GRIK1: variants seen among roughly 807,000 people sequenced by gnomAD.
GRIK1 encodes the protein glutamate receptor ionotropic, kainate 1.
Under a neutral mutation model 105.7 loss-of-function variants are expected in GRIK1, and 69 were observed. That is an observed-to-expected ratio of 0.65 (90% confidence interval 0.54 to 0.80). The LOEUF (loss-of-function observed/expected upper bound fraction) is 0.80, where lower values mean the gene tolerates loss of function less well. Ranked by LOEUF, GRIK1 falls within the 30% of genes least tolerant of loss-of-function variation. GRIK1 has a pLI of 0.00. For missense variants in GRIK1, 1,109 were observed against 1,167.3 expected (o/e 0.95, Z 0.73); for synonymous variants, 438 against 431.3 (o/e 1.02, Z -0.19).
intron 1 of GRIK1, among the ~76,000 whole-genome samples, chr21:29,879,213 C>A (rs968212562): frequency 7.2e-5 from 11 of 151,954 alleles, no homozygotes; most frequent in African/African-American, 2.7e-4. Context: ...GAAACAATAG[C>A]GGGGAAGCTA....
At chr21:29,804,738 A>G (rs542928548) in intron 1 of GRIK1, among the ~76,000 whole-genome samples, 1 of 152,320 alleles carries the variant, frequency 6.6e-6, no homozygotes, top group South Asian at 2.1e-4. Context: ...CCCTGCTATT[A>G]TTCTTGCATG....
At chr21:29,872,480 A>T (rs1371613279) in intron 1 of GRIK1, among the ~76,000 whole-genome samples, 1 of 152,186 alleles carries the variant, frequency 6.6e-6, no homozygotes, top group Non-Finnish European at 1.5e-5. Context: ...CGCAAATTAT[A>T]CAGCATCTCT....
chr21:29,753,316 G>A (rs2065252332), intron 1 of GRIK1, among the ~76,000 whole-genome samples: 1 of 152,144 alleles, frequency 6.6e-6, no homozygotes, highest in Non-Finnish European at 1.5e-5. Flanking sequence ...ATAGGTGAGA[G>A]GTAATTAATG....
chr21:29,697,916 TTCTCTC>T (rs755237929), intron 1 of GRIK1, among the ~76,000 whole-genome samples: 11 of 132,522 alleles, frequency 8.3e-5, no homozygotes, highest in African/African-American at 4.0e-4. Context: ...CTTTCTTTCT[TTCTCTC>T]TCTCTCTCTT....
intron 1 of GRIK1, among the ~76,000 whole-genome samples, chr21:29,866,932 G>C (rs976401509): frequency 6.6e-6 from 1 of 152,144 alleles, no homozygotes; most frequent in Admixed American, 6.5e-5. Context: ...ACTCAGTTTG[G>C]CTCTTTCAAA....
At chr21:29,546,816 ACT>A (rs1568794820) in intron 16 of GRIK1, among the ~76,000 whole-genome samples, 2 of 152,270 alleles carry the variant, frequency 1.3e-5, no homozygotes, top group South Asian at 4.1e-4. Flanking sequence ...TGCAAGGACT[ACT>A]TAACATCTCA....
chr21:29,710,076 TTAAAA>T (rs995523382), intron 1 of GRIK1, among the ~76,000 whole-genome samples: 1 of 151,540 alleles, frequency 6.6e-6, no homozygotes, highest in African/African-American at 2.4e-5. Flanking sequence ...TAAATGCAAA[TTAAAA>T]TAAATATTAT....
At chr21:29,939,275 G>T (rs2071886067) in intron 1 of GRIK1, 108 bp downstream of exon 1, 2 of 675,322 alleles carry the variant, frequency 3.0e-6, no homozygotes. Flanking sequence ...ACCTTCCCCA[G>T]CTCCGGCTCC....
At chr21:29,816,564 G>A (rs567584172) in intron 1 of GRIK1, among the ~76,000 whole-genome samples, 31 of 152,096 alleles carry the variant, frequency 2.0e-4, no homozygotes, top group African/African-American at 7.2e-4. Flanking sequence ...AGATTAATGG[G>A]TAAATAAAAT....
chr21:29,911,942 A>G (rs1232292751), intron 1 of GRIK1, among the ~76,000 whole-genome samples: 1 of 152,082 alleles, frequency 6.6e-6, no homozygotes, highest in African/African-American at 2.4e-5. Context: ...ATATCATTAT[A>G]TTGTGATTGC....
intron 6 of GRIK1, among the ~76,000 whole-genome samples, chr21:29,647,679 G>A (rs2062647700): frequency 6.6e-6 from 1 of 152,120 alleles, no homozygotes; most frequent in South Asian, 2.1e-4. Flanking sequence ...GAACCATTCT[G>A]TATTATCCCA....
chr21:29,824,175 T>C (rs2067382263), intron 1 of GRIK1, among the ~76,000 whole-genome samples: 1 of 151,996 alleles, frequency 6.6e-6, no homozygotes, highest in Admixed American at 6.6e-5. Context: ...ACTATAAATA[T>C]ATAAATATAT....
intron 1 of GRIK1, among the ~76,000 whole-genome samples, chr21:29,787,834 T>A (rs1472198695): frequency 1.3e-5 from 2 of 152,204 alleles, no homozygotes; most frequent in African/African-American, 4.8e-5. Context: ...AAGTTATGCA[T>A]TTCTTTGGTA....
chr21:29,802,232 C>T (rs770775211), intron 1 of GRIK1, among the ~76,000 whole-genome samples: 3 of 152,092 alleles, frequency 2.0e-5, no homozygotes, highest in Non-Finnish European at 2.9e-5. Flanking sequence ...AATGTCAAGC[C>T]CTGCTATTAA....
chr21:29,937,817 G>A (rs1281723419), intron 1 of GRIK1, among the ~76,000 whole-genome samples: 3 of 151,110 alleles, frequency 2.0e-5, no homozygotes, highest in African/African-American at 4.9e-5. Context: ...TTTGACCAGG[G>A]TGAGTAGAGT....
At chr21:29,856,712 A>G (rs1016488068) in intron 1 of GRIK1, among the ~76,000 whole-genome samples, 1 of 152,208 alleles carries the variant, frequency 6.6e-6, no homozygotes, top group Non-Finnish European at 1.5e-5. Flanking sequence ...TCAATAATTT[A>G]TTTTCAGATG....
At chr21:29,831,370 C>A (rs893868456) in intron 1 of GRIK1, among the ~76,000 whole-genome samples, 5 of 152,126 alleles carry the variant, frequency 3.3e-5, no homozygotes, top group Non-Finnish European at 7.4e-5. Context: ...ATACGCTATG[C>A]CTTCTGGCAG....
At chr21:29,817,236 T>C (rs1569126133) in intron 1 of GRIK1, among the ~76,000 whole-genome samples, 1 of 152,002 alleles carries the variant, frequency 6.6e-6, no homozygotes, top group Non-Finnish European at 1.5e-5. Flanking sequence ...TATTATAAGA[T>C]GTTGCATGAA....
intron 13 of GRIK1, among the ~76,000 whole-genome samples, chr21:29,580,747 A>G (rs1012733391): frequency 1.3e-5 from 2 of 152,078 alleles, no homozygotes; most frequent in African/African-American, 4.8e-5. Context: ...TATGCCTGAC[A>G]TTGAAGCTGA....
Sources: allele counts gnomAD v4.1 joint callset (sites outside exome capture counted in the v4.1 genomes callset), GRCh38; gene constraint gnomAD v4.1.1; transcripts MANE v1.5; gene names NCBI Gene and HGNC (gene_info 2026-07-23, HGNC 2026-07-21).